BTBD1: variants seen among roughly 807,000 people sequenced by gnomAD.
BTBD1 encodes BTB/POZ domain-containing protein 1.
Under a neutral mutation model 48.0 loss-of-function variants are expected in BTBD1, and 34 were observed. That is an observed-to-expected ratio of 0.71 (90% CI 0.54 to 0.94). The LOEUF (loss-of-function observed/expected upper bound fraction) is 0.94, where lower values mean the gene tolerates loss of function less well. Among genes scored for constraint, BTBD1 ranks in the 40% least tolerant of loss-of-function variants. The pLI, the probability that BTBD1 is intolerant of heterozygous loss-of-function variation, is 0.00. For missense variants in BTBD1, 543 were observed against 625.6 expected (o/e 0.87, Z 1.41); for synonymous variants, 261 against 242.1 (o/e 1.08, Z -0.72).
chr15:83,060,044 T>G (rs1018643480), intron 1 of BTBD1, among the ~76,000 whole-genome samples: 12 of 152,216 alleles, frequency 7.9e-5, no homozygotes, highest in African/African-American at 2.9e-4. Context: ...TCTCTGTGTA[T>G]CTTATATTTT....
At chr15:83,027,260 G>C (rs1042926406) in intron 5 of BTBD1, among the ~76,000 whole-genome samples, 14 of 152,212 alleles carry the variant, frequency 9.2e-5, no homozygotes, top group African/African-American at 3.4e-4. Flanking sequence ...CCTGAGGCAG[G>C]AGAATCGCTT....
chr15:83,059,022 T>C (rs1488116882), intron 1 of BTBD1, among the ~76,000 whole-genome samples: 1 of 152,210 alleles, frequency 6.6e-6, no homozygotes, highest in Non-Finnish European at 1.5e-5. Context: ...AGTAATATAC[T>C]TTTGCTTTCT....
chr15:83,067,113 C>T lies in BTBD1; in HGVS notation c.39G>A (p.Ala13=), dbSNP rs764364925. Residue 13 remains alanine (A), a synonymous_variant, in exon 1 of 8, where the codon GCG becomes GCA. Transcript: ENST00000261721. ...SLGPAAAGEQ[A]SGAEAEPGPA... ...GGCCCGGCTCCGCCTCAGCCCCCGA[C>T]GCCTGCTCCCCAGCTGCGGCAGGCC... is the stretch of plus-strand genomic sequence containing the variant. The T allele has an allele frequency of 6.8e-7, 1 of 1,464,188 alleles. No individual in the cohort carries two copies. 90.7% of individuals were successfully genotyped at this position (1,464,188 alleles called of 1,614,324 possible).
intron 4 of BTBD1, among the ~76,000 whole-genome samples, chr15:83,033,981 G>A (rs529285192): frequency 2.0e-5 from 3 of 151,246 alleles, no homozygotes; most frequent in Non-Finnish European, 2.9e-5. Context: ...TCTTTAATAC[G>A]GGAGGCTGAG....
At chr15:83,034,817 A>G (rs2032593573) in intron 4 of BTBD1, among the ~76,000 whole-genome samples, 1 of 152,210 alleles carries the variant, frequency 6.6e-6, no homozygotes, top group African/African-American at 2.4e-5. Context: ...TACTTCTTTT[A>G]GTAACTGATA....
intron 5 of BTBD1, among the ~76,000 whole-genome samples, chr15:83,029,244 T>C (rs2032469497): frequency 6.6e-6 from 1 of 152,254 alleles, no homozygotes; most frequent in Non-Finnish European, 1.5e-5. Flanking sequence ...AGTTTTATAC[T>C]GAAGTGCTAT....
chr15:83,058,622 T>TA (rs949224251), intron 1 of BTBD1, among the ~76,000 whole-genome samples: 146 of 145,922 alleles, frequency 1.0e-3, no homozygotes, highest in African/African-American at 2.6e-3. Flanking sequence ...TTTTTTTAAT[T>TA]AAAAAAAAAA....
chr15:83,037,120 G>GA (rs1312801459), intron 4 of BTBD1, among the ~76,000 whole-genome samples: 9 of 150,498 alleles, frequency 6.0e-5, no homozygotes, highest in African/African-American at 2.2e-4. Flanking sequence ...GTATAAGTCA[G>GA]AAAAAAAAAT....
rs2151302581 is a variant in BTBD1 at position 83,030,406 on chromosome 15, T to G, written c.863-78A>C. The stretch of plus-strand genomic sequence containing the variant: ...ACTTTGGAATTCACTTAACGTAAAT[T>G]CAAATCTAGAGGACGTAACATAAAA... On this transcript the variant is annotated intron_variant, in intron 4 of 7. Coordinates refer to ENST00000261721, the MANE Select transcript of BTBD1 (RefSeq NM_025238.4). The G allele has an allele frequency of 3.2e-6, 4 of 1,237,228 alleles. No individual in the cohort carries two copies. In the East Asian group the frequency reaches 9.4e-5, roughly 29 times the overall value. 76.6% of individuals were successfully genotyped at this position (1,237,228 alleles called of 1,614,324 possible).
At chr15:83,048,237 G>C (rs1229840237) in intron 3 of BTBD1, among the ~76,000 whole-genome samples, 1 of 152,136 alleles carries the variant, frequency 6.6e-6, no homozygotes. Context: ...TGTTGTTAAG[G>C]AAGACTGAAA....
chr15:83,058,303 T>C (rs1039542355), intron 1 of BTBD1, among the ~76,000 whole-genome samples: 1 of 152,270 alleles, frequency 6.6e-6, no homozygotes. Context: ...TGTCCCTTTC[T>C]ACTCTGTTGG....
At chr15:83,019,978 A>AG (rs1355037746) in intron 6 of BTBD1, 1 of 154,334 alleles carries the variant, frequency 6.5e-6, no homozygotes, top group East Asian at 1.9e-4. Flanking sequence ...TCAAAAAAAA[A>AG]AAAAAAAAAA....
chr15:83,063,314 C>G (rs1056402189), intron 1 of BTBD1, among the ~76,000 whole-genome samples: 1 of 152,168 alleles, frequency 6.6e-6, no homozygotes, highest in Admixed American at 6.5e-5. Context: ...TCTTAACTTG[C>G]AAATTTATGT....
Position 83,050,153 on chromosome 15 carries a change from A to G in BTBD1, c.584T>C (p.Leu195Pro). 1 of 1,612,866 alleles carries G rather than the reference A, an allele frequency of 6.2e-7. No individual in the cohort carries two copies. Among genetic ancestry groups the G allele is most frequent in the East Asian group, 2.2e-5 (1 of 44,782 alleles). Residue 195 changes from leucine (L) to proline (P), a missense_variant, in exon 3 of 8, where the codon CTT becomes CCT. Leu to Pro is a moderately conservative substitution (Grantham distance 98). Transcript: ENST00000261721. ...TATTGTATCTAGACAAAGACTAGCA[A>G]GCTGAGGTTCATCAAATAATCGAGC... ...TQARLFDEPQ[L>P]ASLCLDTIDK...
At chr15:83,027,361 C>T (rs1596425325) in intron 5 of BTBD1, among the ~76,000 whole-genome samples, 1 of 152,308 alleles carries the variant, frequency 6.6e-6, no homozygotes, top group African/African-American at 2.4e-5. Context: ...TCAAAACAAA[C>T]AAACAAACAC....
At chr15:83,055,708 G>T (rs1186369033) in intron 2 of BTBD1, among the ~76,000 whole-genome samples, 1 of 152,146 alleles carries the variant, frequency 6.6e-6, no homozygotes, top group Admixed American at 6.5e-5. Context: ...GTTAATTTTA[G>T]AACTTTTCAG....
At chr15:83,035,839 A>G (rs1234659734) in intron 4 of BTBD1, among the ~76,000 whole-genome samples, 2 of 152,004 alleles carry the variant, frequency 1.3e-5, no homozygotes, top group African/African-American at 4.8e-5. Flanking sequence ...GGGGAAAAAA[A>G]GGAAATATTT....
At chr15:83,054,824 T>A (rs918563971) in intron 2 of BTBD1, among the ~76,000 whole-genome samples, 1 of 152,058 alleles carries the variant, frequency 6.6e-6, no homozygotes, top group Non-Finnish European at 1.5e-5. Context: ...CCTCCCAAAG[T>A]GCTGGGATTA....
chr15:83,059,530 G>A (rs1235331751), intron 1 of BTBD1, among the ~76,000 whole-genome samples: 1 of 152,186 alleles, frequency 6.6e-6, no homozygotes, highest in East Asian at 1.9e-4. Flanking sequence ...GGGCGACAGA[G>A]CAAGACTCCG....
Sources: gnomAD v4.1 joint callset for allele counts (sites outside exome capture counted in the v4.1 genomes callset) on GRCh38, gnomAD v4.1.1 for gene constraint, MANE v1.5 for transcripts, NCBI Gene and HGNC (gene_info 2026-07-23, HGNC 2026-07-21) for gene names.